NUP107: variants seen among roughly 807,000 people sequenced by gnomAD.
NUP107 encodes the protein nucleoporin 107.
A neutral mutation model predicts 141.0 loss-of-function variants in NUP107; 101 were observed. The observed-to-expected ratio is 0.72, with a 90% CI of 0.61 to 0.84. The LOEUF (loss-of-function observed/expected upper bound fraction) is 0.84, where lower values mean the gene tolerates loss of function less well. Ranked by LOEUF, NUP107 falls within the 40% of genes least tolerant of loss-of-function variation. NUP107 has a pLI of 0.00. For missense variants in NUP107, 941 were observed against 1,102.7 expected, an observed-to-expected ratio of 0.85 and a Z score of 2.08; for synonymous variants, 319 against 363.9, an observed-to-expected ratio of 0.88 and a Z score of 1.41.
At chr12:68,740,072 T>C (rs1878261129) in intron 26 of NUP107, 1 of 152,130 alleles carries the variant, frequency 6.6e-6, no homozygotes, top group Non-Finnish European at 1.5e-5. Context: ...GCAGAAGAGA[T>C]TGTCTGCAGC....
In NUP107 at chr12:68,723,522, G is replaced by C. The variant is rs145189554; in HGVS notation, c.1506+1370G>C. On this transcript the variant is annotated intron_variant, in intron 17 of 27. Coordinates refer to ENST00000229179, the MANE Select transcript of NUP107 (RefSeq NM_020401.4). ...GAGGCAGGAGAATCACTTGAACCCAGGAGGTAGAGGTTGCAGTGAGCCAAG... is the reference window on the plus strand; with the variant it reads ...GAGGCAGGAGAATCACTTGAACCCACGAGGTAGAGGTTGCAGTGAGCCAAG... 2.0e-5 allele frequency among the ~76,000 whole-genome samples: 3 copies of C among 152,312 alleles called. No individual in the cohort carries two copies. The East Asian group carries it at 5.8e-4, about 29-fold the overall frequency.
At position 68,731,164 on chromosome 12, in the gene NUP107, C is replaced by T. The variant is rs754304561; in HGVS notation, c.1789C>T (p.Pro597Ser). ...TATAGCATTTTATACCTGTCATTTG[C>T]CTCAAGACCTAGCTGTTGCCCAGTA... ...NLIAFYTCHL[P>S]QDLAVAQYAL... Residue 597 changes from proline (P) to serine (S), a missense_variant, in exon 21 of 28, where the codon CCT becomes TCT. Pro to Ser is a moderately conservative substitution (Grantham distance 74). Coordinates refer to ENST00000229179, the MANE Select transcript of NUP107 (RefSeq NM_020401.4). 6.2e-7 allele frequency: 1 copy of T among 1,611,096 alleles called. No homozygotes were observed. Among genetic ancestry groups the T allele is most frequent in the South Asian group, 1.1e-5 (1 of 90,630 alleles).
intron 26 of NUP107, among the ~76,000 whole-genome samples, chr12:68,740,703 T>G (rs1270399307): frequency 6.6e-6 from 1 of 152,038 alleles, no homozygotes; most frequent in Non-Finnish European, 1.5e-5. Flanking sequence ...TTCTACACTA[T>G]TAGTGCTATT....
At chr12:68,725,619 T>G in intron 17 of NUP107, 108 bp from the exon 18 acceptor site, 1 of 629,788 alleles carries the variant, frequency 1.6e-6, no homozygotes, top group Non-Finnish European at 2.8e-6. Flanking sequence ...TCCAGCTTTT[T>G]CTTTCTATAT....
Position 68,733,596 on chromosome 12 carries a change from G to A in NUP107, c.2246G>A (p.Cys749Tyr), listed in dbSNP as rs879441517. Residue 749 changes from cysteine (C) to tyrosine (Y), a missense_variant, in exon 24 of 28, where the codon TGC (cysteine) becomes TAC (tyrosine). Coordinates refer to ENST00000229179, the MANE Select transcript of NUP107 (RefSeq NM_020401.4). ...EDDNAIREHL[C>Y]IRAYLEAHET... ...GATAATGCTATCCGAGAACATTTGT[G>A]CATCAGAGCTTATTTGGTGAGACTG... 6.2e-7 allele frequency: 1 copy of A among 1,610,666 alleles called. No homozygotes were observed.
At position 68,690,710 on chromosome 12, in the gene NUP107, T is replaced by TA; in HGVS notation, c.268dup (p.Thr90AsnfsTer15). ...GAACAGGAGGGAAGTCGCCCCGACT[T>TA]ACGCAGTCTTCAGGGTTCTTTGGAA... On this transcript the variant is annotated frameshift_variant, in exon 4 of 28. Transcript: ENST00000229179. LOFTEE classifies it high-confidence loss of function. 2.5e-6 allele frequency: 4 copies of TA among 1,614,148 alleles called. No homozygotes were observed. The South Asian group carries it at 4.4e-5, about 18-fold the overall frequency.
chr12:68,734,527 A>C (rs1451434477), intron 24 of NUP107, among the ~76,000 whole-genome samples, 181 bp from the exon 25 acceptor site: 2 of 152,216 alleles, frequency 1.3e-5, no homozygotes, highest in Non-Finnish European at 2.9e-5. Context: ...CTTGTTTGTC[A>C]CTTGACAAAA....
At chr12:68,728,098 C>A (rs1419988254) in intron 20 of NUP107, among the ~76,000 whole-genome samples, 2 of 152,042 alleles carry the variant, frequency 1.3e-5, no homozygotes, top group Non-Finnish European at 2.9e-5. Flanking sequence ...GCCTGGGCAA[C>A]ATAGGGAGAC....
chr12:68,735,345 GT>G lies in NUP107; in HGVS notation c.2502+2del, dbSNP rs1165460331. ...AGGGTGGATGGTGGATGTTAGAGAG[GT>G]AAGCTGTGTGCATTGTTTATAGCCA... is the stretch of plus-strand genomic sequence containing the variant. On this transcript the variant is annotated splice_donor_variant, in intron 26 of 27. Transcript: ENST00000229179. LOFTEE classifies it high-confidence loss of function. 1.9e-6 allele frequency: 3 copies of G among 1,607,268 alleles called. No homozygotes were observed.
intron 11 of NUP107, 87 bp from the exon 12 acceptor site, chr12:68,715,540 A>G (rs749230064): frequency 8.1e-6 from 6 of 740,666 alleles, no homozygotes; most frequent in African/African-American, 3.5e-5. Context: ...TAAACTCAGG[A>G]TAGGTTTATC....
chr12:68,731,090 G>C lies in NUP107; in HGVS notation c.1735-20G>C. On this transcript the variant is annotated intron_variant, in intron 20 of 27. Transcript: ENST00000229179. Reference sequence around the variant, plus strand: ...TTTAATTTTATTATTGACATACTTTGATCTTTTTCTATTTTTTAGCTTTTA... The same window carrying C: ...TTTAATTTTATTATTGACATACTTTCATCTTTTTCTATTTTTTAGCTTTTA... 1 of 1,503,326 alleles carries C rather than the reference G, an allele frequency of 6.7e-7. No homozygotes were observed. The highest frequency in any genetic ancestry group is 9.1e-7 in the Non-Finnish European group (1 of 1,102,652). 93.1% of individuals were successfully genotyped at this position (1,503,326 alleles called of 1,614,324 possible).
chr12:68,717,932 A>G (rs1234803984), intron 12 of NUP107, among the ~76,000 whole-genome samples: 2 of 152,222 alleles, frequency 1.3e-5, no homozygotes, highest in Admixed American at 6.5e-5. Context: ...AACTAGTTGT[A>G]TCAATCAGGC....
At position 68,726,608 on chromosome 12, in the gene NUP107, A is replaced by G. The variant is rs1877576178; in HGVS notation, c.1686A>G (p.Leu562=). Residue 562 remains leucine (L), a synonymous_variant, in exon 19 of 28, where the codon CTA becomes CTG. Coordinates refer to ENST00000229179, the MANE Select transcript of NUP107 (RefSeq NM_020401.4). ...HLILFFRTLG[L]QTKEEVSIEV... ...TTTTGTTTTTCCGTACTCTGGGACT[A>G]CAGACCAAGGTATATAAAAATGAAC... is the stretch of plus-strand genomic sequence containing the variant. 1 of 1,594,902 alleles carries G rather than the reference A, an allele frequency of 6.3e-7. No homozygotes were observed. The highest frequency in any genetic ancestry group is 8.6e-7 in the Non-Finnish European group (1 of 1,162,670).
intron 6 of NUP107, among the ~76,000 whole-genome samples, chr12:68,697,593 C>G (rs1876128439): frequency 6.6e-6 from 1 of 152,026 alleles, no homozygotes; most frequent in Non-Finnish European, 1.5e-5. Flanking sequence ...GTGTAACAAA[C>G]CTGCACATCC....
In NUP107 at chr12:68,689,595, A is replaced by T. The variant is rs1875680577; in HGVS notation, c.163A>T (p.Thr55Ser). The change falls in exon 3 of 28, where the codon ACT (threonine) becomes TCT (serine). Residue 55 changes from threonine (T) to serine (S), a missense_variant. Transcript: ENST00000229179. ...ACCAAGAAACCAGGTTATCCCTCGA[A>T]CTCCTAGCTCATTTCGACAGCCTTG... ...TTPRNQVIPR[T>S]PSSFRQPFTP... The T allele has an allele frequency of 1.2e-6, 2 of 1,612,498 alleles. No individual in the cohort carries two copies. Among genetic ancestry groups the T allele is most frequent in the Non-Finnish European group, 1.7e-6 (2 of 1,179,286 alleles).
intron 6 of NUP107, among the ~76,000 whole-genome samples, chr12:68,697,207 C>T (rs1296227017): frequency 1.3e-5 from 2 of 152,116 alleles, no homozygotes; most frequent in Non-Finnish European, 2.9e-5. Flanking sequence ...GCAGAAGGAT[C>T]ACTTAAACCC....
chr12:68,738,215 G>A (rs1878158582), intron 26 of NUP107, among the ~76,000 whole-genome samples: 1 of 151,872 alleles, frequency 6.6e-6, no homozygotes, highest in Non-Finnish European at 1.5e-5. Context: ...GGCGGAGGTT[G>A]CAGTGAGCCG....
At chr12:68,728,915 T>C (rs555036988) in intron 20 of NUP107, among the ~76,000 whole-genome samples, 1 of 152,236 alleles carries the variant, frequency 6.6e-6, no homozygotes, top group Admixed American at 6.5e-5. Flanking sequence ...CAGACCTCAA[T>C]CTACAGTATA....
chr12:68,733,353 A>G, intron 23 of NUP107, 99 bp from the exon 24 acceptor site: 1 of 1,132,462 alleles, frequency 8.8e-7, no homozygotes, highest in African/African-American at 1.6e-5. Flanking sequence ...TGAAATAGTT[A>G]CAGGTCACTG....
Sources: gnomAD v4.1 joint callset for allele counts (sites outside exome capture counted in the v4.1 genomes callset) on GRCh38, gnomAD v4.1.1 for gene constraint, MANE v1.5 for transcripts, NCBI Gene and HGNC (gene_info 2026-07-23, HGNC 2026-07-21) for gene names.